Variants in TMPRSS4 observed in about 807,000 individuals in gnomAD.
TMPRSS4 encodes transmembrane protease serine 4.
Under a neutral mutation model 56.4 loss-of-function variants are expected in TMPRSS4, and 45 were observed. That is an observed-to-expected ratio of 0.80 (90% confidence interval 0.63 to 1.02). The LOEUF is 1.02. Among genes scored for constraint, TMPRSS4 ranks in the 50% least tolerant of loss-of-function variants. TMPRSS4 has a pLI of 0.00. For missense variants in TMPRSS4, 546 were observed against 556.7 expected (o/e 0.98, Z 0.19); for synonymous variants, 205 against 211.0 (o/e 0.97, Z 0.25).
intron 5 of TMPRSS4, chr11:118,105,800 A>G (rs1946960727): frequency 6.6e-6 from 1 of 151,942 alleles, no homozygotes; most frequent in Non-Finnish European, 1.5e-5. Context: ...CAAAAACTCT[A>G]CTAGGCAGAC....
At chr11:118,109,218 C>A (rs78060998) in intron 7 of TMPRSS4, among the ~76,000 whole-genome samples, 8,341 of 152,236 alleles carry the variant, frequency 0.055, 569 homozygotes, top group African/African-American at 0.15. Context: ...ATCCCTGGTC[C>A]GGGCCCACAT....
At chr11:118,081,687 C>T (rs1945152779) in intron 1 of TMPRSS4, among the ~76,000 whole-genome samples, 2 of 152,232 alleles carry the variant, frequency 1.3e-5, no homozygotes, top group South Asian at 2.1e-4. Flanking sequence ...CCCGCTGGTG[C>T]GGTTGAGCCA....
At position 118,118,086 on chromosome 11, in the gene TMPRSS4, C is replaced by T. The variant is rs113537305; in HGVS notation, c.*173C>T. 3.0e-5 allele frequency: 43 copies of T among 1,444,494 alleles called. No individual in the cohort carries two copies. Among genetic ancestry groups the T allele is most frequent in the Non-Finnish European group, 3.9e-5 (43 of 1,105,018 alleles). The allele number at this position is 1,444,494 out of a possible 1,614,324, so 89.5% of individuals were successfully genotyped here. A position where few individuals can be genotyped will look rare whatever the true frequency, so the allele number is the denominator to read the frequency against. ...CAATTCCTATAAGAGACCCTCGCAG[C>T]CCAGAGGCGCCCAGAGGAAGTCAGC... On this transcript the variant is annotated 3_prime_UTR_variant, in exon 13 of 13. Coordinates refer to ENST00000437212, the MANE Select transcript of TMPRSS4 (RefSeq NM_019894.4).
At chr11:118,125,376 C>A (rs576318052), downstream of TMPRSS4, 1 of 456,016 alleles carries the variant, frequency 2.2e-6, no homozygotes, top group South Asian at 1.5e-5. Flanking sequence ...GATGGAGCTA[C>A]GGTCAGCTCG....
chr11:118,100,755 G>T (rs1946690610), intron 3 of TMPRSS4, among the ~76,000 whole-genome samples: 1 of 152,176 alleles, frequency 6.6e-6, no homozygotes, highest in Non-Finnish European at 1.5e-5. Context: ...TGCCACAGTG[G>T]AGATAAAGGG....
At chr11:118,117,873 T>C in intron 12 of TMPRSS4, 29 bp from the exon 13 acceptor site, 1 of 1,614,040 alleles carries the variant, frequency 6.2e-7, no homozygotes, top group Non-Finnish European at 8.5e-7. Flanking sequence ...ATAATCTGAC[T>C]TTCTCTTCAT....
At chr11:118,085,833 T>A (rs1945515084) in intron 1 of TMPRSS4, among the ~76,000 whole-genome samples, 1 of 152,046 alleles carries the variant, frequency 6.6e-6, no homozygotes, top group Admixed American at 6.6e-5. Context: ...TTCCTTCCTA[T>A]CAGACCCTTC....
intron 1 of TMPRSS4, among the ~76,000 whole-genome samples, chr11:118,090,686 G>A (rs1369534835): frequency 6.6e-6 from 1 of 152,066 alleles, no homozygotes; most frequent in Non-Finnish European, 1.5e-5. Flanking sequence ...ACTGAGGTGG[G>A]AGGAGCCCTT....
At chr11:118,100,782 C>A (rs145271416) in intron 3 of TMPRSS4, among the ~76,000 whole-genome samples, 1 of 152,160 alleles carries the variant, frequency 6.6e-6, no homozygotes, top group African/African-American at 2.4e-5. Context: ...AGTTATCCAG[C>A]GAAAGCCAAG....
chr11:118,093,796 G>C (rs749425371), intron 1 of TMPRSS4, among the ~76,000 whole-genome samples: 3 of 135,198 alleles, frequency 2.2e-5, no homozygotes, highest in Non-Finnish European at 4.7e-5. Flanking sequence ...AGACTCCACT[G>C]TGTTCCTTCC....
Sources: allele counts gnomAD v4.1 joint callset (sites outside exome capture counted in the v4.1 genomes callset), GRCh38; gene constraint gnomAD v4.1.1; transcripts MANE v1.5; gene names NCBI Gene and HGNC (gene_info 2026-07-23, HGNC 2026-07-21).